Variants in TENM3 observed in about 807,000 individuals in gnomAD.
TENM3 encodes teneurin-3.
A neutral mutation model predicts 255.1 loss-of-function variants in TENM3; 63 were observed. That is an observed-to-expected ratio of 0.25 (90% CI 0.20 to 0.30). The LOEUF is 0.30. Ranked by LOEUF, TENM3 falls within the 10% of genes least tolerant of loss-of-function variation. The pLI is 1.00. For synonymous variants in TENM3, 1,306 were observed against 1,322.3 expected, an observed-to-expected ratio of 0.99 and a Z score of 0.27; for missense variants, 2,929 against 3,461.1, an observed-to-expected ratio of 0.85 and a Z score of 3.86.
intron 3 of TENM3, among the ~76,000 whole-genome samples, chr4:182,499,055 G>A (rs1736073610): frequency 6.6e-6 from 1 of 152,140 alleles, no homozygotes. Context: ...TCTGGTAGAA[G>A]CCTGAAAATA....
At chr4:182,335,160 CCT>C (rs1655047768) in intron 2 of TENM3, among the ~76,000 whole-genome samples, 1 of 151,880 alleles carries the variant, frequency 6.6e-6, no homozygotes, top group Non-Finnish European at 1.5e-5. Flanking sequence ...TCTCGCTACC[CCT>C]CTCTTTTCAG....
At chr4:181,987,543 C>T in the TENM3 span, among the ~76,000 whole-genome samples, 1 of 152,074 alleles carries the variant, frequency 6.6e-6, no homozygotes, top group Non-Finnish European at 1.5e-5. Flanking sequence ...ACAACTGAAA[C>T]CTGAATCACT....
At chr4:182,781,941 CTCTT>C (rs1561244958) in intron 24 of TENM3, among the ~76,000 whole-genome samples, 3 of 148,386 alleles carry the variant, frequency 2.0e-5, no homozygotes, top group African/African-American at 7.4e-5. Flanking sequence ...AGATTCTTCT[CTCTT>C]TTTTTCTTTA....
chr4:181,670,610 G>A, the TENM3 span, among the ~76,000 whole-genome samples: 6 of 152,138 alleles, frequency 3.9e-5, no homozygotes, highest in Non-Finnish European at 8.8e-5. Context: ...CTGAAGTTAA[G>A]AGGGAAAAAA....
At chr4:182,302,034 G>A (rs1761884524) in intron 1 of TENM3, among the ~76,000 whole-genome samples, 2 of 152,124 alleles carry the variant, frequency 1.3e-5, no homozygotes, top group African/African-American at 2.4e-5. Flanking sequence ...TTAAAGACTG[G>A]TAAGCTGTTT....
intron 3 of TENM3, among the ~76,000 whole-genome samples, chr4:182,416,795 T>C (rs948301977): frequency 2.6e-5 from 4 of 152,306 alleles, no homozygotes; most frequent in African/African-American, 9.6e-5. Flanking sequence ...AAATATTTCA[T>C]TGCTTAAGAA....
At chr4:181,943,572 T>G in the TENM3 span, among the ~76,000 whole-genome samples, 1 of 152,308 alleles carries the variant, frequency 6.6e-6, no homozygotes, top group Non-Finnish European at 1.5e-5. Flanking sequence ...GTATGCAAGC[T>G]GTTATTAATT....
chr4:182,116,165 C>T, the TENM3 span, among the ~76,000 whole-genome samples: 1 of 152,130 alleles, frequency 6.6e-6, no homozygotes, highest in Non-Finnish European at 1.5e-5. Context: ...TTTAACTGCC[C>T]TAAAATTCCT....
the TENM3 span, among the ~76,000 whole-genome samples, chr4:181,542,860 C>T: frequency 2.0e-5 from 3 of 152,060 alleles, no homozygotes; most frequent in Admixed American, 6.6e-5. Flanking sequence ...TTGTATTGTC[C>T]GTGATCCAAA....
chr4:182,344,895 T>G (rs530820734), intron 2 of TENM3, among the ~76,000 whole-genome samples: 5 of 152,322 alleles, frequency 3.3e-5, no homozygotes, highest in African/African-American at 9.6e-5. Flanking sequence ...CAGATTTACT[T>G]TTATAAGTAC....
chr4:182,654,850 T>C (rs952204134), intron 6 of TENM3, among the ~76,000 whole-genome samples: 1 of 152,210 alleles, frequency 6.6e-6, no homozygotes. Flanking sequence ...CTTTGTACAC[T>C]TTTTTATTCT....
At chr4:182,427,387 G>A (rs916073386) in intron 3 of TENM3, among the ~76,000 whole-genome samples, 13 of 152,210 alleles carry the variant, frequency 8.5e-5, no homozygotes, top group African/African-American at 3.1e-4. Context: ...TATTTTGAGA[G>A]AAACTTATCC....
At chr4:182,368,747 G>T (rs1256220302) in intron 3 of TENM3, among the ~76,000 whole-genome samples, 1 of 152,114 alleles carries the variant, frequency 6.6e-6, no homozygotes, top group Admixed American at 6.5e-5. Context: ...TATTGCCCAC[G>T]TATATACCCA....
At chr4:182,201,518 G>A (rs1754185584) in intron 1 of TENM3, among the ~76,000 whole-genome samples, 2 of 152,226 alleles carry the variant, frequency 1.3e-5, no homozygotes, top group Non-Finnish European at 1.5e-5. Context: ...GGGAGAGGGT[G>A]AGGTCAACCA....
At chr4:181,832,611 T>TA in the TENM3 span, among the ~76,000 whole-genome samples, 1 of 152,218 alleles carries the variant, frequency 6.6e-6, no homozygotes, top group African/African-American at 2.4e-5. Context: ...CGTCTATAGA[T>TA]ACGCTAAGAG....
At chr4:181,605,584 G>GAAAGAAAGAAAGAAAGAAGAAAGAAA in the TENM3 span, among the ~76,000 whole-genome samples, 1 of 69,142 alleles carries the variant, frequency 1.4e-5, no homozygotes, top group Non-Finnish European at 3.0e-5. Flanking sequence ...GAGAAAGAAA[G>GAAAGAAAGAAAGAAAGAAGAAAGAAA]GAAAGAAAGA....
intron 4 of TENM3, among the ~76,000 whole-genome samples, chr4:182,607,638 C>G (rs1165965911): frequency 6.6e-6 from 1 of 152,084 alleles, no homozygotes; most frequent in East Asian, 1.9e-4. Context: ...GATAAAAGTA[C>G]TGTACAATAG....
chr4:182,324,033 G>A lies in TENM3; in HGVS notation c.13G>A (p.Glu5Lys). 1 of 1,613,762 alleles carries A rather than the reference G, an allele frequency of 6.2e-7. No individual in the cohort carries two copies. Among genetic ancestry groups the A allele is most frequent in the Non-Finnish European group, 8.5e-7 (1 of 1,179,792 alleles). The change falls in exon 2 of 28, where the codon GAA becomes AAA. Residue 5 changes from glutamate (E) to lysine (K), a missense_variant. This residue lies in a region of TENM3 where 283 missense variants were observed against 256.9 expected (regional missense o/e 1.10). Transcript: ENST00000511685. MDVK[E>K]RRPYCSLTKS... ...GAAGGAATGAAGTATGGATGTGAAA[G>A]AACGCAGGCCTTACTGCTCCCTGAC...
the TENM3 span, among the ~76,000 whole-genome samples, chr4:181,767,595 G>A: frequency 6.6e-6 from 1 of 152,030 alleles, no homozygotes; most frequent in South Asian, 2.1e-4. Context: ...CACCTGGGAG[G>A]CTTAAGCTGT....
Sources: allele counts gnomAD v4.1 joint callset (sites outside exome capture counted in the v4.1 genomes callset), GRCh38; gene constraint gnomAD v4.1.1; regional missense constraint gnomAD v4.1.1; transcripts MANE v1.5; gene names NCBI Gene and HGNC (gene_info 2026-07-23, HGNC 2026-07-21).